BTAF1: variants seen among roughly 807,000 people sequenced by gnomAD.
BTAF1 encodes the protein B-TFIID TATA-box binding protein associated factor 1.
BTAF1 carries 38 observed loss-of-function variants against 227.1 expected under a neutral mutation model. That is an observed-to-expected ratio of 0.17 (90% CI 0.13 to 0.22). The LOEUF (loss-of-function observed/expected upper bound fraction) is 0.22, where lower values mean the gene tolerates loss of function less well. Ranked by LOEUF, BTAF1 falls within the 10% of genes least tolerant of loss-of-function variation. BTAF1 has a pLI of 1.00. For synonymous variants in BTAF1, 742 were observed against 751.9 expected (o/e 0.99, Z 0.21); for missense variants, 1,598 against 2,204.0 (o/e 0.73, Z 5.51).
chr10:91,960,054 A>C lies in BTAF1; in HGVS notation c.1163A>C (p.His388Pro). The change falls in exon 11 of 38, where the codon CAT (histidine) becomes CCT (proline). Residue 388 changes from histidine to proline, a missense_variant. Coordinates refer to ENST00000265990, the MANE Select transcript of BTAF1 (RefSeq NM_003972.3). ...AAACACATGAACGAAACAGGAGTTCATAAGACTGTGGATGTGCTGCTAAAA... is the reference window on the plus strand; with the variant it reads ...AAACACATGAACGAAACAGGAGTTCCTAAGACTGTGGATGTGCTGCTAAAA... ...VLKHMNETGV[H>P]KTVDVLLKLL... 6.2e-7 allele frequency: 1 copy of C among 1,613,946 alleles called. No homozygotes were observed. The highest frequency in any genetic ancestry group is 8.5e-7 in the Non-Finnish European group (1 of 1,179,888).
Position 92,009,035 on chromosome 10 carries a change from G to A in BTAF1, c.3936-6G>A. ...GGTTAATTTATTGTGTTTTGCTATT[G>A]TAAAGGGCCCAGGAATATGCAAGAT... On this transcript the variant is annotated splice_region_variant and splice_polypyrimidine_tract_variant and intron_variant, in intron 27 of 37. Coordinates refer to ENST00000265990, the MANE Select transcript of BTAF1 (RefSeq NM_003972.3). 6.2e-7 allele frequency: 1 copy of A among 1,613,784 alleles called. No homozygotes were observed.
At chr10:91,948,199 C>A (rs1254805690) in intron 4 of BTAF1, among the ~76,000 whole-genome samples, 1 of 141,850 alleles carries the variant, frequency 7.0e-6, no homozygotes, top group African/African-American at 2.6e-5. Context: ...CGACGTTCCT[C>A]CCCCTGTGTC....
intron 14 of BTAF1, 148 bp downstream of exon 14, chr10:91,966,905 C>T (rs1846958332): frequency 9.1e-6 from 6 of 662,440 alleles, no homozygotes; most frequent in African/African-American, 3.6e-5. Flanking sequence ...TGAATATAAT[C>T]ACTGTAAGAG....
In BTAF1 at chr10:91,981,700, C is replaced by G. The variant is rs758912615; in HGVS notation, c.1813C>G (p.Pro605Ala). The G allele has an allele frequency of 9.9e-6, 16 of 1,613,600 alleles. No individual in the cohort carries two copies. Among genetic ancestry groups the G allele is most frequent in the Non-Finnish European group, 1.4e-5 (16 of 1,179,818 alleles). Reference sequence around the variant, plus strand: ...TCAGTATGTGGTAGCAGCTGCTTGCCCATGGATGGGTGCTTGGCTTTGCTT... The same window carrying G: ...TCAGTATGTGGTAGCAGCTGCTTGCGCATGGATGGGTGCTTGGCTTTGCTT... ...SVQYVVAAAC[P>A]WMGAWLCLMM... Residue 605 changes from proline (P) to alanine (A), a missense_variant, in exon 16 of 38, where the codon CCA (proline) becomes GCA (alanine). Around this residue, in one of 10 missense-constraint regions of BTAF1, gnomAD observed 318 missense variants for 435.0 expected, o/e 0.73. Coordinates refer to ENST00000265990, the MANE Select transcript of BTAF1 (RefSeq NM_003972.3).
intron 23 of BTAF1, among the ~76,000 whole-genome samples, chr10:91,996,167 T>C (rs765180559): frequency 6.6e-6 from 1 of 152,228 alleles, no homozygotes; most frequent in Non-Finnish European, 1.5e-5. Context: ...TTTCCCTTCT[T>C]TTTGAAAGAG....
chr10:91,924,233 C>G (rs1051157751), intron 1 of BTAF1, 143 bp downstream of exon 1: 65 of 1,182,564 alleles, frequency 5.5e-5, no homozygotes, highest in East Asian at 3.5e-4. Flanking sequence ...GAGTTCGCCC[C>G]GTGGTCGGCG....
At chr10:91,985,906 G>C (rs1848363460) in intron 19 of BTAF1, among the ~76,000 whole-genome samples, 1 of 152,008 alleles carries the variant, frequency 6.6e-6, no homozygotes, top group Admixed American at 6.6e-5. Context: ...GCAGTGAGTG[G>C]TTTGCCTTTT....
At chr10:92,008,362 G>A in intron 26 of BTAF1, 87 bp downstream of exon 26, 1 of 1,292,482 alleles carries the variant, frequency 7.7e-7, no homozygotes, top group South Asian at 1.6e-5. Context: ...TTTCTTTTTT[G>A]AGACAGAGTC....
chr10:91,972,008 G>A (rs2133944151), intron 14 of BTAF1, among the ~76,000 whole-genome samples: 1 of 152,154 alleles, frequency 6.6e-6, no homozygotes. Context: ...TGCCTTCTGT[G>A]TATTCATAAA....
At position 91,972,256 on chromosome 10, in the gene BTAF1, T is replaced by A. The variant is rs181170935; in HGVS notation, c.1650+5499T>A. Among the ~76,000 whole-genome samples the A allele has an allele frequency of 5.3e-5, 8 of 152,322 alleles. No individual in the cohort carries two copies. In the East Asian group the frequency reaches 1.3e-3, roughly 26 times the overall value. On this transcript the variant is annotated intron_variant, in intron 14 of 37. Coordinates refer to ENST00000265990, the MANE Select transcript of BTAF1 (RefSeq NM_003972.3). ...GTCAACATTTTCCCCTAATATTTCC[T>A]AATGTATACTCTGGAGTCAAGAACA...
intron 12 of BTAF1, 25 bp downstream of exon 12, chr10:91,962,703 C>G (rs376859700): frequency 3.4e-5 from 53 of 1,559,932 alleles, no homozygotes; most frequent in African/African-American, 5.5e-5. Flanking sequence ...TTTACAGTTT[C>G]TTACTATAGA....
intron 34 of BTAF1, among the ~76,000 whole-genome samples, chr10:92,022,652 A>C (rs1851219115): frequency 6.6e-6 from 1 of 152,104 alleles, no homozygotes; most frequent in Non-Finnish European, 1.5e-5. Context: ...TCCTGGCCTC[A>C]AGCAGTCTTC....
intron 34 of BTAF1, among the ~76,000 whole-genome samples, chr10:92,021,017 G>T (rs74149354): frequency 0.013 from 2,053 of 152,260 alleles, 48 homozygotes; most frequent in African/African-American, 0.045. Flanking sequence ...CCTCACGGAA[G>T]ACTTTTCTAG....
Position 92,016,482 on chromosome 10 carries a change from A to AG in BTAF1, c.4710+17_4710+18insG. On this transcript the variant is annotated intron_variant, in intron 33 of 37. Coordinates refer to ENST00000265990, the MANE Select transcript of BTAF1 (RefSeq NM_003972.3). ...GTATTCCAGGTATAGATTACATTCT[A>AG]CTTTTTTTTTTTTTGAGATGGAATT... The AG allele has an allele frequency of 6.8e-7, 1 of 1,480,762 alleles. No individual in the cohort carries two copies. The allele number at this position is 1,480,762 out of a possible 1,614,324, so 91.7% of individuals were successfully genotyped here.
At chr10:91,932,511 A>G (rs552193034) in intron 1 of BTAF1, among the ~76,000 whole-genome samples, 1 of 152,368 alleles carries the variant, frequency 6.6e-6, no homozygotes, top group Admixed American at 6.5e-5. Flanking sequence ...AGTTACAGTA[A>G]ATGTCAACTA....
chr10:91,994,828 G>A (rs1186246128), intron 23 of BTAF1, among the ~76,000 whole-genome samples, 184 bp downstream of exon 23: 1 of 152,172 alleles, frequency 6.6e-6, no homozygotes, highest in Non-Finnish European at 1.5e-5. Context: ...TGTAGACCAG[G>A]CTGCTTGAAT....
chr10:91,959,541 G>A (rs530258845), intron 9 of BTAF1, among the ~76,000 whole-genome samples: 2 of 151,788 alleles, frequency 1.3e-5, no homozygotes, highest in Admixed American at 6.6e-5. Context: ...ATGATCAAAG[G>A]GGATATGAGA....
At chr10:91,981,893 TTAACA>T (rs1848087232) in intron 16 of BTAF1, 101 bp downstream of exon 16, 2 of 1,391,960 alleles carry the variant, frequency 1.4e-6, no homozygotes, top group Admixed American at 5.6e-5. Context: ...TGTGATTTAA[TTAACA>T]TAAGTAAGGA....
chr10:92,027,001 G>C, intron 36 of BTAF1, 129 bp from the exon 37 acceptor site: 2 of 1,027,916 alleles, frequency 1.9e-6, no homozygotes, highest in Non-Finnish European at 2.8e-6. Context: ...GAGCTCATGT[G>C]GCCAGACAAA....
Sources: allele counts gnomAD v4.1 joint callset (sites outside exome capture counted in the v4.1 genomes callset), GRCh38; gene constraint gnomAD v4.1.1; regional missense constraint gnomAD v4.1.1; transcripts MANE v1.5; gene names NCBI Gene and HGNC (gene_info 2026-07-23, HGNC 2026-07-21).